The following GALNTL6 variants were observed in gnomAD, a reference collection of about 807,000 sequenced individuals.
The protein encoded by GALNTL6 is polypeptide N-acetylgalactosaminyltransferase-like 6.
GALNTL6 carries 46 observed loss-of-function variants against 73.7 expected under a neutral mutation model. The ratio of observed to expected loss-of-function variants is 0.62; its 90% CI spans 0.49 to 0.80. GALNTL6 has a LOEUF of 0.80. Among genes scored for constraint, GALNTL6 ranks in the 30% least tolerant of loss-of-function variants. GALNTL6 has a pLI of 0.00. For synonymous variants in GALNTL6, 259 were observed against 263.7 expected (o/e 0.98, Z 0.17); for missense variants, 604 against 755.0 (o/e 0.80, Z 2.34).
intron 3 of GALNTL6, among the ~76,000 whole-genome samples, chr4:172,257,257 T>C (rs950638735): frequency 2.0e-5 from 3 of 151,508 alleles, no homozygotes; most frequent in Non-Finnish European, 1.5e-5. Context: ...TGAAAGAATA[T>C]AGATGACACA....
At chr4:172,029,010 C>T (rs1005018401) in intron 2 of GALNTL6, among the ~76,000 whole-genome samples, 2 of 151,798 alleles carry the variant, frequency 1.3e-5, no homozygotes, top group African/African-American at 4.8e-5. Context: ...TTTAGAGTTG[C>T]TTTTTAATTT....
intron 2 of GALNTL6, among the ~76,000 whole-genome samples, chr4:171,914,508 G>A (rs1737561279): frequency 7.1e-6 from 1 of 141,258 alleles, no homozygotes; most frequent in Non-Finnish European, 1.5e-5. Flanking sequence ...TCGGCTCACT[G>A]CAACCTCCAC....
At chr4:171,829,516 T>C (rs1186376031) in intron 2 of GALNTL6, among the ~76,000 whole-genome samples, 3 of 152,168 alleles carry the variant, frequency 2.0e-5, no homozygotes, top group Non-Finnish European at 4.4e-5. Flanking sequence ...CTCAACCATT[T>C]TGAGCTTCTT....
Position 172,799,610 on chromosome 4 carries a change from C to T in GALNTL6, c.554-9751C>T, listed in dbSNP as rs1740490576. Among the ~76,000 whole-genome samples the T allele has an allele frequency of 3.3e-5, 5 of 152,020 alleles. No individual in the cohort carries two copies. In the South Asian group the frequency reaches 1.0e-3, roughly 32 times the overall value. On this transcript the variant is annotated intron_variant, in intron 5 of 12. Coordinates refer to ENST00000506823, the MANE Select transcript of GALNTL6 (RefSeq NM_001034845.3). ...AAAATTTATCTATATATACATTTTA[C>T]AAAAAGAGTCAAAAGGACGTTAAAA... is the stretch of plus-strand genomic sequence containing the variant.
At chr4:172,800,936 TTATAAAC>T (rs1422822071) in intron 5 of GALNTL6, among the ~76,000 whole-genome samples, 1 of 152,148 alleles carries the variant, frequency 6.6e-6, no homozygotes, top group Non-Finnish European at 1.5e-5. Flanking sequence ...AACAGAACAA[TTATAAAC>T]TATAAATTCT....
At chr4:172,202,740 T>A (rs1735996873) in intron 2 of GALNTL6, among the ~76,000 whole-genome samples, 1 of 152,132 alleles carries the variant, frequency 6.6e-6, no homozygotes, top group Non-Finnish European at 1.5e-5. Context: ...TTCAACCCAT[T>A]TTCTTGATGT....
chr4:173,024,827 C>T (rs1038356201), intron 12 of GALNTL6, among the ~76,000 whole-genome samples: 1 of 152,188 alleles, frequency 6.6e-6, no homozygotes, highest in Non-Finnish European at 1.5e-5. Flanking sequence ...GATCCGCCCA[C>T]CTTAGCCACC....
intron 5 of GALNTL6, among the ~76,000 whole-genome samples, chr4:172,595,315 C>T (rs1737810402): frequency 6.6e-6 from 1 of 152,036 alleles, no homozygotes; most frequent in Admixed American, 6.6e-5. Flanking sequence ...ATTTTAATAC[C>T]TTTTAAGTGA....
intron 5 of GALNTL6, among the ~76,000 whole-genome samples, chr4:172,360,929 T>C (rs1742343759): frequency 1.3e-5 from 2 of 152,154 alleles, no homozygotes; most frequent in African/African-American, 2.4e-5. Flanking sequence ...TTTCAAGTCC[T>C]GCACAGAAGT....
chr4:171,977,299 C>G (rs915439042), intron 2 of GALNTL6, among the ~76,000 whole-genome samples: 4 of 151,852 alleles, frequency 2.6e-5, no homozygotes, highest in African/African-American at 9.7e-5. Context: ...GAGTTATTAC[C>G]CTGAAAGTAT....
intron 5 of GALNTL6, among the ~76,000 whole-genome samples, chr4:172,403,681 A>G (rs1481779677): frequency 6.6e-6 from 1 of 152,030 alleles, no homozygotes; most frequent in Non-Finnish European, 1.5e-5. Context: ...ACACATATAC[A>G]CATATATTAC....
intron 2 of GALNTL6, among the ~76,000 whole-genome samples, chr4:172,134,237 T>C (rs1579171132): frequency 1.3e-5 from 2 of 151,960 alleles, no homozygotes; most frequent in East Asian, 3.9e-4. Flanking sequence ...TACAAAAAAT[T>C]AGCTGGGCAT....
chr4:172,952,395 A>G (rs1749497643), intron 10 of GALNTL6, 137 bp downstream of exon 10: 1 of 623,110 alleles, frequency 1.6e-6, no homozygotes, highest in African/African-American at 1.8e-5. Context: ...ATCATCTCAA[A>G]TACATGAATG....
At chr4:172,180,623 G>C (rs1348714793) in intron 2 of GALNTL6, among the ~76,000 whole-genome samples, 1 of 152,120 alleles carries the variant, frequency 6.6e-6, no homozygotes, top group Non-Finnish European at 1.5e-5. Context: ...GTTAATTTTT[G>C]TAGAAAGTGT....
At chr4:172,465,512 A>T (rs1218905252) in intron 5 of GALNTL6, among the ~76,000 whole-genome samples, 2 of 152,038 alleles carry the variant, frequency 1.3e-5, no homozygotes, top group African/African-American at 4.8e-5. Flanking sequence ...AAAAGAAACT[A>T]GTACTTGGTA....
At chr4:172,787,021 T>C (rs757763392) in intron 5 of GALNTL6, among the ~76,000 whole-genome samples, 1 of 152,184 alleles carries the variant, frequency 6.6e-6, no homozygotes, top group African/African-American at 2.4e-5. Flanking sequence ...AAGGACTTTC[T>C]ATTCTAGGCT....
chr4:172,178,796 C>T (rs1353856283), intron 2 of GALNTL6, among the ~76,000 whole-genome samples: 1 of 97,682 alleles, frequency 1.0e-5, no homozygotes, highest in East Asian at 3.5e-4. Flanking sequence ...CCAATGCTAT[C>T]CCTCCCCCCT....
chr4:172,533,191 T>C (rs1284951238), intron 5 of GALNTL6, among the ~76,000 whole-genome samples: 1 of 151,536 alleles, frequency 6.6e-6, no homozygotes, highest in Non-Finnish European at 1.5e-5. Flanking sequence ...TTTTGTATTT[T>C]CAGTAGAGAT....
At chr4:172,983,859 C>T (rs1021254577) in intron 10 of GALNTL6, among the ~76,000 whole-genome samples, 5 of 151,844 alleles carry the variant, frequency 3.3e-5, no homozygotes, top group East Asian at 1.9e-4. Context: ...AACACAATGC[C>T]GAAGCTTATA....
Sources: allele counts gnomAD v4.1 joint callset (sites outside exome capture counted in the v4.1 genomes callset), GRCh38; gene constraint gnomAD v4.1.1; transcripts MANE v1.5; gene names NCBI Gene and HGNC (gene_info 2026-07-23, HGNC 2026-07-21).